The following AUTS2 variants were observed in gnomAD, a reference collection of about 807,000 sequenced individuals.
The protein encoded by AUTS2 is autism susceptibility gene 2 protein.
In AUTS2, 17 loss-of-function variants were observed where a neutral mutation model predicts 112.4. The observed-to-expected ratio is 0.15, with a 90% confidence interval of 0.10 to 0.23. The LOEUF is 0.23. AUTS2 is among the 10% of genes least tolerant of loss of function. The probability of loss-of-function intolerance (pLI) is 1.00; values close to 1 mark genes in which losing one functional copy is unlikely to be tolerated. For synonymous variants in AUTS2, 751 were observed against 702.7 expected, an observed-to-expected ratio of 1.07 and a Z score of -1.09; for missense variants, 1,510 against 1,701.6, an observed-to-expected ratio of 0.89 and a Z score of 1.98.
At chr7:70,041,740 T>C (rs570628218) in intron 2 of AUTS2, among the ~76,000 whole-genome samples, 1 of 152,336 alleles carries the variant, frequency 6.6e-6, no homozygotes, top group South Asian at 2.1e-4. Flanking sequence ...TCTGTGATTC[T>C]ATAATCAGAA....
At position 70,323,566 on chromosome 7, in the gene AUTS2, T is replaced by C. The variant is rs60796946; in HGVS notation, c.661-112186T>C. Among the ~76,000 whole-genome samples, 1,417 of 152,278 alleles carry C rather than the reference T, an allele frequency of 9.3e-3. 32 individuals carry two copies. Among genetic ancestry groups the C allele is most frequent in the African/African-American group, 0.032 (1,349 of 41,564 alleles). ...TGATTTTCTAAAGAGGAAATTCTTC[T>C]GTTTGACCTAGATGTGAACTGAATA... is the stretch of plus-strand genomic sequence containing the variant. On this transcript the variant is annotated intron_variant, in intron 4 of 18. Coordinates refer to ENST00000342771, the MANE Select transcript of AUTS2 (RefSeq NM_015570.4).
At chr7:70,051,226 A>G (rs1167935724) in intron 2 of AUTS2, among the ~76,000 whole-genome samples, 2 of 152,138 alleles carry the variant, frequency 1.3e-5, no homozygotes, top group African/African-American at 2.4e-5. Context: ...AGCGTTTGAT[A>G]TTATCTTAAG....
chr7:70,130,667 G>T lies in AUTS2; in HGVS notation c.625-3869G>T, dbSNP rs193053525. On this transcript the variant is annotated intron_variant, in intron 3 of 18. Transcript: ENST00000342771. Reference sequence around the variant, plus strand: ...AGGTGGGTAGTTTGCAGAGATTGCTGGAGCAGTGGTCAAATATGAAAAAAA... The same window carrying T: ...AGGTGGGTAGTTTGCAGAGATTGCTTGAGCAGTGGTCAAATATGAAAAAAA... Among the ~76,000 whole-genome samples, 236 of 150,814 alleles carry T rather than the reference G, an allele frequency of 1.6e-3. 2 individuals are homozygous for T. The highest frequency in any genetic ancestry group is 7.9e-4 in the East Asian group (4 of 5,062).
At chr7:70,235,343 G>T (rs1331795006) in intron 4 of AUTS2, among the ~76,000 whole-genome samples, 1 of 151,638 alleles carries the variant, frequency 6.6e-6, no homozygotes, top group Non-Finnish European at 1.5e-5. Flanking sequence ...TGACTATATT[G>T]CCCAGGCTGG....
At chr7:70,578,039 C>T (rs188830939) in intron 5 of AUTS2, among the ~76,000 whole-genome samples, 160 of 152,212 alleles carry the variant, frequency 1.1e-3, no homozygotes, top group African/African-American at 3.7e-3. Context: ...ACCATGCTAG[C>T]TAGGATGGTC....
intron 1 of AUTS2, among the ~76,000 whole-genome samples, chr7:69,626,892 T>A (rs1024773033): frequency 3.3e-5 from 5 of 152,216 alleles, no homozygotes; most frequent in African/African-American, 1.2e-4. Flanking sequence ...CTTTGGTCTG[T>A]TGAATTAGTA....
intron 1 of AUTS2, among the ~76,000 whole-genome samples, chr7:69,791,207 C>T (rs903549005): frequency 2.0e-5 from 3 of 152,266 alleles, no homozygotes; most frequent in East Asian, 1.9e-4. Context: ...TGTGTTCCCT[C>T]GACTGAATGG....
chr7:70,731,619 C>CG (rs1458330907), intron 6 of AUTS2, among the ~76,000 whole-genome samples: 1 of 151,340 alleles, frequency 6.6e-6, no homozygotes, highest in Non-Finnish European at 1.5e-5. Context: ...TTAGTAGAGA[C>CG]GGGGTTTCAC....
chr7:70,481,790 T>C (rs1797797613), intron 5 of AUTS2, among the ~76,000 whole-genome samples: 1 of 152,218 alleles, frequency 6.6e-6, no homozygotes, highest in Non-Finnish European at 1.5e-5. Flanking sequence ...GGTTAAAGAC[T>C]GGCTTGCCAT....
intron 1 of AUTS2, among the ~76,000 whole-genome samples, chr7:69,603,746 G>A (rs530594242): frequency 1.3e-5 from 2 of 152,134 alleles, no homozygotes; most frequent in Non-Finnish European, 2.9e-5. Context: ...GATATTCTTC[G>A]AGTGACAGGA....
intron 2 of AUTS2, among the ~76,000 whole-genome samples, chr7:70,094,044 C>G (rs1804061708): frequency 6.6e-6 from 1 of 152,182 alleles, no homozygotes; most frequent in Non-Finnish European, 1.5e-5. Flanking sequence ...TATTGACTCT[C>G]TTTGTGCCCT....
intron 1 of AUTS2, among the ~76,000 whole-genome samples, chr7:69,844,392 G>T (rs948484793): frequency 1.1e-4 from 16 of 152,130 alleles, no homozygotes; most frequent in African/African-American, 3.9e-4. Flanking sequence ...TCCAAAATGT[G>T]CCTGAGAAAG....
chr7:69,727,964 T>C (rs1786599520), intron 1 of AUTS2, among the ~76,000 whole-genome samples: 1 of 152,198 alleles, frequency 6.6e-6, no homozygotes, highest in South Asian at 2.1e-4. Context: ...ATCTCGTTCA[T>C]TCCCTAGATT....
chr7:70,592,269 G>A (rs1186744885), intron 5 of AUTS2, among the ~76,000 whole-genome samples: 1 of 152,172 alleles, frequency 6.6e-6, no homozygotes, highest in Admixed American at 6.5e-5. Flanking sequence ...GGAAGGAATT[G>A]AGTTCGGAGC....
intron 2 of AUTS2, among the ~76,000 whole-genome samples, chr7:70,105,315 C>T (rs1226770866): frequency 6.6e-6 from 1 of 152,146 alleles, no homozygotes; most frequent in African/African-American, 2.4e-5. Flanking sequence ...GGCTGGAGTG[C>T]AGTGGCCAAT....
intron 5 of AUTS2, among the ~76,000 whole-genome samples, chr7:70,611,252 A>C (rs1402045004): frequency 6.6e-6 from 1 of 152,202 alleles, no homozygotes; most frequent in African/African-American, 2.4e-5. Context: ...GCCAGTGGGT[A>C]TTAACGAAAG....
At chr7:70,609,956 TTTTTTGTTGTTG>T (rs1335867141) in intron 5 of AUTS2, among the ~76,000 whole-genome samples, 1,940 of 128,480 alleles carry the variant, frequency 0.015, 30 homozygotes, top group African/African-American at 0.05. Context: ...GGAAGTTCTG[TTTTTTGTTGTTG>T]TTGTTGTTGT....
At chr7:70,237,540 T>C (rs569479206) in intron 4 of AUTS2, among the ~76,000 whole-genome samples, 2 of 152,352 alleles carry the variant, frequency 1.3e-5, no homozygotes, top group East Asian at 3.9e-4. Flanking sequence ...TTTACCACTG[T>C]ATTGCTAAGC....
intron 6 of AUTS2, among the ~76,000 whole-genome samples, chr7:70,727,148 C>T (rs147834490): frequency 6.6e-6 from 1 of 152,320 alleles, no homozygotes; most frequent in Non-Finnish European, 1.5e-5. Context: ...TTCCACCCCA[C>T]CTCGTGGGAA....
Sources: gnomAD v4.1 joint callset for allele counts (sites outside exome capture counted in the v4.1 genomes callset) on GRCh38, gnomAD v4.1.1 for gene constraint, MANE v1.5 for transcripts, NCBI Gene and HGNC (gene_info 2026-07-23, HGNC 2026-07-21) for gene names.